Variants in CPXM1 observed in about 807,000 individuals in gnomAD.
CPXM1 encodes probable carboxypeptidase X1.
Under a neutral mutation model 80.4 loss-of-function variants are expected in CPXM1, and 72 were observed. The observed-to-expected ratio is 0.90, with a 90% CI of 0.74 to 1.09. CPXM1 has a LOEUF of 1.09. Ranked by LOEUF, CPXM1 falls within the 50% of genes least tolerant of loss-of-function variation. The pLI, the probability that CPXM1 is intolerant of heterozygous loss-of-function variation, is 0.00. For synonymous variants in CPXM1, 403 were observed against 405.6 expected (o/e 0.99, Z 0.08); for missense variants, 892 against 999.4 (o/e 0.89, Z 1.45).
In CPXM1 at chr20:2,797,283, C is replaced by A; in HGVS notation, c.741G>T (p.Gln247His). Residue 247 changes from glutamine (Q) to histidine (H), a missense_variant, in exon 6 of 14, where the codon CAG becomes CAT. Physicochemically the swap from Gln to His is conservative, Grantham distance 24 (BLOSUM62 0). Transcript: ENST00000380605. ...TPVLNLLPEP[Q>H]VARFIRLLPQ... ...GCAGCAGGCGAATGAAGCGGGCCAC[C>A]TGGGGCTCCGGCAGGAGGTTCAGCA... The A allele has an allele frequency of 6.4e-7, 1 of 1,567,628 alleles. No homozygotes were observed. Among genetic ancestry groups the A allele is most frequent in the Non-Finnish European group, 8.7e-7 (1 of 1,155,522 alleles).
Position 2,800,471 on chromosome 20 carries a change from G to T in CPXM1, c.102C>A (p.Thr34=). The T allele has an allele frequency of 6.9e-7, 1 of 1,456,312 alleles. No individual in the cohort carries two copies. The highest frequency in any genetic ancestry group is 1.4e-5 in the South Asian group (1 of 73,978). 90.2% of individuals were successfully genotyped at this position (1,456,312 alleles called of 1,614,324 possible). ...CCGGGGTCGAGCCTGGGACCTTGGT[G>T]GTCCCGGGCTGCGCGAGGCCCAGCA... ...NSVLGLAQPG[T]TKVPGSTPAL... Residue 34 remains threonine, a synonymous_variant, in exon 1 of 14, where the codon ACC becomes ACA. Transcript: ENST00000380605.
In CPXM1 at chr20:2,795,106, G is replaced by A. The variant is rs572184606; in HGVS notation, c.1860+171C>T. The stretch of plus-strand genomic sequence containing the variant: ...CACGATGCCACGCTGCCAGCAAACT[G>A]CACTTCCTGTCCTGTGTGCTTCCAA... On this transcript the variant is annotated intron_variant, in intron 12 of 13. Coordinates refer to ENST00000380605, the MANE Select transcript of CPXM1 (RefSeq NM_019609.5). The surrounding 1 kb of genome is among the most constrained non-coding windows in gnomAD (Gnocchi z 5.4). Among the ~76,000 whole-genome samples, 1 of 152,252 alleles carries A rather than the reference G, an allele frequency of 6.6e-6. No individual in the cohort carries two copies. The highest frequency in any genetic ancestry group is 2.4e-5 in the African/African-American group (1 of 41,530).
intron 5 of CPXM1, 114 bp downstream of exon 5, chr20:2,797,854 C>A: frequency 1.1e-6 from 1 of 934,748 alleles, no homozygotes; most frequent in Admixed American, 2.0e-5. Context: ...AGCCACACCC[C>A]CCTGGGAAGC....
Position 2,795,271 on chromosome 20 carries a change from T to A in CPXM1, c.1860+6A>T. The A allele has an allele frequency of 1.2e-6, 2 of 1,613,158 alleles. No individual in the cohort carries two copies. The highest frequency in any genetic ancestry group is 1.7e-6 in the Non-Finnish European group (2 of 1,179,736). ...GGCAGGCTGGGGGCCGGGACGCAGATCCGACCTGCTCCAGGTAGGTGAGGA... is the reference window on the plus strand; with the variant it reads ...GGCAGGCTGGGGGCCGGGACGCAGAACCGACCTGCTCCAGGTAGGTGAGGA... On this transcript the variant is annotated splice_donor_region_variant and intron_variant, in intron 12 of 13. Transcript: ENST00000380605. This position sits in a 1 kb window ranked among gnomAD's most constrained non-coding sequence, Gnocchi z 5.4.
In CPXM1 at chr20:2,796,494, G is replaced by A. The variant is rs1443745335; in HGVS notation, c.1045+33C>T. On this transcript the variant is annotated intron_variant, in intron 8 of 13. Coordinates refer to ENST00000380605, the MANE Select transcript of CPXM1 (RefSeq NM_019609.5). This position sits in a 1 kb window ranked among gnomAD's most constrained non-coding sequence, Gnocchi z 6.8. ...GGGTTCATGCCTGGGGCCCTGCCCTGTGCCTACCTCTCCCCACTCCCCATG... is the reference window on the plus strand; with the variant it reads ...GGGTTCATGCCTGGGGCCCTGCCCTATGCCTACCTCTCCCCACTCCCCATG... The A allele has an allele frequency of 1.9e-6, 3 of 1,613,546 alleles. No homozygotes were observed. Among genetic ancestry groups the A allele is most frequent in the South Asian group, 2.2e-5 (2 of 91,008 alleles).
chr20:2,794,083 C>G lies in CPXM1; in HGVS notation c.*107G>C. 6.9e-7 allele frequency: 1 copy of G among 1,457,114 alleles called. No individual in the cohort carries two copies. Among genetic ancestry groups the G allele is most frequent in the Non-Finnish European group, 9.2e-7 (1 of 1,086,846 alleles). The allele number at this position is 1,457,114 out of a possible 1,614,324, so 90.3% of individuals were successfully genotyped here. A position where few individuals can be genotyped will look rare whatever the true frequency, so the allele number is the denominator to read the frequency against. On this transcript the variant is annotated 3_prime_UTR_variant, in exon 14 of 14. Coordinates refer to ENST00000380605, the MANE Select transcript of CPXM1 (RefSeq NM_019609.5). The surrounding 1 kb of genome is among the most constrained non-coding windows in gnomAD (Gnocchi z 5.2). ...CAACACGAAGATGAGCTAAGGTGCC[C>G]GGTAGCTTTAATGAGCACCTTTTCC...
At chr20:2,797,583 G>A (rs1225049411) in intron 5 of CPXM1, among the ~76,000 whole-genome samples, 2 of 152,180 alleles carry the variant, frequency 1.3e-5, no homozygotes, top group Non-Finnish European at 2.9e-5. Context: ...CATGACTCGG[G>A]GGAAGCCAAT....
At position 2,796,442 on chromosome 20, in the gene CPXM1, C is replaced by T. The variant is rs201677011; in HGVS notation, c.1047G>A (p.Gly349=). The T allele has an allele frequency of 1.1e-3, 1,716 of 1,613,892 alleles. 19 individuals are homozygous for T. The South Asian group carries it at 0.016, about 15-fold the overall frequency. The stretch of plus-strand genomic sequence containing the variant: ...CAGCCACGTAGCGCACCTCAGGCTC[C>T]CCTGGGGACACATGGGGGCTTGCAG... ...MSDKPGEHEL[G]EPEVRYVAGM... The change falls in exon 9 of 14, where the codon GGG becomes GGA. Residue 349 remains glycine (G), a splice_region_variant and synonymous_variant. Coordinates refer to ENST00000380605, the MANE Select transcript of CPXM1 (RefSeq NM_019609.5). This position sits in a 1 kb window ranked among gnomAD's most constrained non-coding sequence, Gnocchi z 6.8.
Position 2,800,519 on chromosome 20 carries a change from A to G in CPXM1, c.54T>C (p.Ala18=). Residue 18 remains alanine (A), a synonymous_variant, in exon 1 of 14, where the codon GCT becomes GCC. Transcript: ENST00000380605. ...LAAFAPAVGP[A]LGAPRNSVLG... Reference sequence around the variant, plus strand: ...GCACCGAGTTCCTGGGCGCCCCCAGAGCCGGGCCGACGGCCGGCGCGAAGG... The same window carrying G: ...GCACCGAGTTCCTGGGCGCCCCCAGGGCCGGGCCGACGGCCGGCGCGAAGG... 1 of 1,363,798 alleles carries G rather than the reference A, an allele frequency of 7.3e-7. No homozygotes were observed. Among genetic ancestry groups the G allele is most frequent in the Non-Finnish European group, 9.4e-7 (1 of 1,064,568 alleles). 84.5% of individuals were successfully genotyped at this position (1,363,798 alleles called of 1,614,324 possible).
At chr20:2,799,545 G>T (rs568818617) in intron 1 of CPXM1, among the ~76,000 whole-genome samples, 2 of 152,182 alleles carry the variant, frequency 1.3e-5, no homozygotes, top group East Asian at 3.9e-4. Flanking sequence ...TCCAGAACAG[G>T]CTGCCCATTT....
At chr20:2,797,866 T>G in intron 5 of CPXM1, 102 bp downstream of exon 5, 1 of 1,072,568 alleles carries the variant, frequency 9.3e-7, no homozygotes, top group Non-Finnish European at 1.4e-6. Context: ...CTGGGAAGCC[T>G]AAGCTGGCGT....
In CPXM1 at chr20:2,800,419, G is replaced by A; in HGVS notation, c.154C>T (p.Pro52Ser). The change falls in exon 1 of 14, where the codon CCG becomes TCG. Residue 52 changes from proline to serine, a missense_variant. Physicochemically the swap from Pro to Ser is moderately conservative, Grantham distance 74. This residue lies in a region of CPXM1 where 874 missense variants were observed against 958.4 expected (regional missense o/e 0.91). Transcript: ENST00000380605. ...AACTCACCGTTAGCTGTCTCCGCCG[G>A]CGGCTGTGCCGGGCTGCTATGCAGG... ...PALHSSPAQPPAETANGTSEQ... is the reference protein window; with the variant it reads ...PALHSSPAQPSAETANGTSEQ... 1 of 1,529,904 alleles carries A rather than the reference G, an allele frequency of 6.5e-7. No individual in the cohort carries two copies. Among genetic ancestry groups the A allele is most frequent in the East Asian group, 2.6e-5 (1 of 37,930 alleles). The allele number at this position is 1,529,904 out of a possible 1,614,324, so 94.8% of individuals were successfully genotyped here.
rs2088491281 is a variant in CPXM1, at chr20:2,795,179, G to A, written c.1860+98C>T. On this transcript the variant is annotated intron_variant, in intron 12 of 13. Coordinates refer to ENST00000380605, the MANE Select transcript of CPXM1 (RefSeq NM_019609.5). The surrounding 1 kb of genome is among the most constrained non-coding windows in gnomAD (Gnocchi z 5.4). Reference sequence around the variant, plus strand: ...CCCATGGCATCTTGTGAGTCTGAATGCTCAGCTGGACCTTAGAAGAACCCC... The same window carrying A: ...CCCATGGCATCTTGTGAGTCTGAATACTCAGCTGGACCTTAGAAGAACCCC... 10 of 1,395,846 alleles carry A rather than the reference G, an allele frequency of 7.2e-6. No homozygotes were observed. The highest frequency in any genetic ancestry group is 9.9e-6 in the Non-Finnish European group (10 of 1,012,384). 86.5% of individuals were successfully genotyped at this position (1,395,846 alleles called of 1,614,324 possible). A position where few individuals can be genotyped will look rare whatever the true frequency, so the allele number is the denominator to read the frequency against.
Position 2,800,623 on chromosome 20 carries a change from G to C in CPXM1, c.-51C>G. On this transcript the variant is annotated 5_prime_UTR_variant, in exon 1 of 14. Transcript: ENST00000380605. ...GCGGGCTACGGCGGGTGGCGGGTCGGTCTCTTCCTGCCGAGTGCGCCGAGC... is the reference window on the plus strand; with the variant it reads ...GCGGGCTACGGCGGGTGGCGGGTCGCTCTCTTCCTGCCGAGTGCGCCGAGC... The C allele has an allele frequency of 7.7e-7, 1 of 1,293,696 alleles. No homozygotes were observed. Among genetic ancestry groups the C allele is most frequent in the Non-Finnish European group, 9.8e-7 (1 of 1,017,376 alleles). 80.1% of individuals were successfully genotyped at this position (1,293,696 alleles called of 1,614,324 possible).
chr20:2,794,737 G>T lies in CPXM1; in HGVS notation c.1861-98C>A. The T allele has an allele frequency of 1.1e-6, 1 of 871,854 alleles. No homozygotes were observed. The highest frequency in any genetic ancestry group is 1.9e-6 in the Non-Finnish European group (1 of 531,688). 54.0% of individuals were successfully genotyped at this position (871,854 alleles called of 1,614,324 possible). ...CTGTTGCCCTGCAAACCTGAGCAAA[G>T]TGGTAGGTCTACTGTGTTCCTAGGT... On this transcript the variant is annotated intron_variant, in intron 12 of 13. Coordinates refer to ENST00000380605, the MANE Select transcript of CPXM1 (RefSeq NM_019609.5). The surrounding 1 kb of genome is among the most constrained non-coding windows in gnomAD (Gnocchi z 5.2).
At position 2,796,137 on chromosome 20, in the gene CPXM1, C is replaced by G; in HGVS notation, c.1267G>C (p.Glu423Gln). 6.2e-7 allele frequency: 1 copy of G among 1,611,742 alleles called. No individual in the cohort carries two copies. Among genetic ancestry groups the G allele is most frequent in the Non-Finnish European group, 8.5e-7 (1 of 1,178,804 alleles). ...HRGSELVGWAEGRWNNQSIDL... is the reference protein window; with the variant it reads ...HRGSELVGWAQGRWNNQSIDL... ...ATGCTCTGGTTGTTCCAGCGGCCCT[C>G]GGCCCAGCCCACCAGCTCTGAACCC... is the stretch of plus-strand genomic sequence containing the variant. The change falls in exon 10 of 14, where the codon GAG becomes CAG. Residue 423 changes from glutamate to glutamine, a missense_variant. Glu to Gln is a conservative substitution (Grantham distance 29, BLOSUM62 2). Around this residue, in one of 2 missense-constraint regions of CPXM1, gnomAD observed 874 missense variants for 958.4 expected, o/e 0.91. Coordinates refer to ENST00000380605, the MANE Select transcript of CPXM1 (RefSeq NM_019609.5). The surrounding 1 kb of genome is among the most constrained non-coding windows in gnomAD (Gnocchi z 6.8).
chr20:2,796,698 CA>C lies in CPXM1; in HGVS notation c.922-49del. 6.2e-7 allele frequency: 1 copy of C among 1,606,000 alleles called. No homozygotes were observed. Among genetic ancestry groups the C allele is most frequent in the Non-Finnish European group, 8.5e-7 (1 of 1,175,268 alleles). ...GCATGAGGCATGGGAGGGGTACACC[CA>C]GGGGCAGATCACATGTGCCATGGAA... is the stretch of plus-strand genomic sequence containing the variant. On this transcript the variant is annotated intron_variant, in intron 7 of 13. Transcript: ENST00000380605. This position sits in a 1 kb window ranked among gnomAD's most constrained non-coding sequence, Gnocchi z 6.8.
chr20:2,798,277 G>A lies in CPXM1; in HGVS notation c.465C>T (p.Asp155=), dbSNP rs778837561. 18 of 1,613,720 alleles carry A rather than the reference G, an allele frequency of 1.1e-5. No homozygotes were observed. Among genetic ancestry groups the A allele is most frequent in the Admixed American group, 3.3e-5 (2 of 60,000 alleles). The change falls in exon 4 of 14, where the codon GAC becomes GAT. Residue 155 remains aspartate, a synonymous_variant. Coordinates refer to ENST00000380605, the MANE Select transcript of CPXM1 (RefSeq NM_019609.5). ...ACCAGGCTCCATCATATAGATCGCC[G>A]TCCTCCAGGCCTGACTGCAGACACA... is the stretch of plus-strand genomic sequence containing the variant. The part of the protein sequence containing the change: ...GRLNIQSGLE[D]GDLYDGAWCA...
rs1331507196 is a variant in CPXM1 at position 2,796,048 on chromosome 20, C to T, written c.1356G>A (p.Lys452=). The part of the protein sequence containing the change: ...TPLWEAQDDG[K]VPHIVPNHHL... ...GATGGTTGGGGACGATGTGGGGCAC[C>T]TTCCCATCGTCCTGTGCTTCCCACA... The change falls in exon 10 of 14, where the codon AAG becomes AAA. Residue 452 remains lysine, a synonymous_variant. Coordinates refer to ENST00000380605, the MANE Select transcript of CPXM1 (RefSeq NM_019609.5). This position sits in a 1 kb window ranked among gnomAD's most constrained non-coding sequence, Gnocchi z 6.8. 1.9e-6 allele frequency: 3 copies of T among 1,613,972 alleles called. No individual in the cohort carries two copies. The highest frequency in any genetic ancestry group is 2.5e-6 in the Non-Finnish European group (3 of 1,179,934).
Sources: allele counts gnomAD v4.1 joint callset (sites outside exome capture counted in the v4.1 genomes callset), GRCh38; gene constraint gnomAD v4.1.1; regional missense constraint gnomAD v4.1.1; non-coding constraint Gnocchi (gnomAD v3.1); transcripts MANE v1.5; gene names NCBI Gene and HGNC (gene_info 2026-07-23, HGNC 2026-07-21).